SYNE2: variants seen among roughly 807,000 people sequenced by gnomAD.
SYNE2 encodes the protein nesprin-2.
SYNE2 carries 431 observed loss-of-function variants against 856.3 expected under a neutral mutation model. The observed-to-expected ratio is 0.50, with a 90% CI of 0.47 to 0.55. The LOEUF (loss-of-function observed/expected upper bound fraction) is 0.55, where lower values mean the gene tolerates loss of function less well. Among genes scored for constraint, SYNE2 ranks in the 20% least tolerant of loss-of-function variants. The probability of loss-of-function intolerance (pLI) is 0.00; values close to 1 mark genes in which losing one functional copy is unlikely to be tolerated. For synonymous variants in SYNE2, 2,923 were observed against 2,872.3 expected, an observed-to-expected ratio of 1.02 and a Z score of -0.56; for missense variants, 8,129 against 8,023.2, an observed-to-expected ratio of 1.01 and a Z score of -0.50.
At chr14:64,024,123 C>T (rs2096959242) in intron 38 of SYNE2, 134 bp from the exon 39 acceptor site, 3 of 739,042 alleles carry the variant, frequency 4.1e-6, no homozygotes, top group Admixed American at 4.1e-5. Context: ...GCCACATCTC[C>T]ATCACCCTTC....
chr14:63,948,786 A>ATG (rs2096091999), intron 6 of SYNE2, among the ~76,000 whole-genome samples: 4 of 40,526 alleles, frequency 9.9e-5, no homozygotes, highest in East Asian at 7.1e-4. Flanking sequence ...GTGTGTGTAT[A>ATG]TATATATATA....
At chr14:63,915,027 C>T (rs1189134950) in intron 2 of SYNE2, among the ~76,000 whole-genome samples, 1 of 152,248 alleles carries the variant, frequency 6.6e-6, no homozygotes, top group Non-Finnish European at 1.5e-5. Flanking sequence ...GATCCTCCCA[C>T]CTTGGCCTTC....
chr14:63,995,106 G>C lies in SYNE2; in HGVS notation c.2844G>C (p.Lys948Asn), dbSNP rs201633972. Residue 948 changes from lysine to asparagine, a missense_variant, in exon 23 of 116, where the codon AAG becomes AAC. Lys to Asn is a moderately conservative substitution (Grantham distance 94). Transcript: ENST00000555002. Reference sequence around the variant, plus strand: ...TAAAAATAGATATTGAAAAAGGAAAGCTTAGTGACAATATTTTAAAACTTG... The same window carrying C: ...TAAAAATAGATATTGAAAAAGGAAACCTTAGTGACAATATTTTAAAACTTG... ...QQLKIDIEKG[K>N]LSDNILKLEK... 60 of 1,591,110 alleles carry C rather than the reference G, an allele frequency of 3.8e-5. No homozygotes were observed. The highest frequency in any genetic ancestry group is 5.1e-5 in the Non-Finnish European group (59 of 1,164,584).
At chr14:64,066,365 G>A (rs59807631) in intron 51 of SYNE2, among the ~76,000 whole-genome samples, 11,312 of 152,104 alleles carry the variant, frequency 0.074, 695 homozygotes, top group African/African-American at 0.17. Flanking sequence ...GGGCATGGTG[G>A]CACATGCCTG....
chr14:64,134,156 G>T lies in SYNE2; in HGVS notation c.14602G>T (p.Glu4868Ter). ...TACATTGCCCTCTGTGAGTTTGGTG[G>T]AAGAAACAGAGGAAAGATTAGTGGA... ...ISTLPSVSLV[E>*]ETEERLVERI... The change falls in exon 78 of 116, where the codon GAA (glutamate) becomes TAA (stop). Residue 4868 changes from glutamate to a stop codon, truncating the protein, a stop_gained. Coordinates refer to ENST00000555002, the MANE Select transcript of SYNE2 (RefSeq NM_182914.3). LOFTEE classifies it high-confidence loss of function. 6.2e-7 allele frequency: 1 copy of T among 1,614,062 alleles called. No homozygotes were observed. The highest frequency in any genetic ancestry group is 8.5e-7 in the Non-Finnish European group (1 of 1,179,932).
chr14:63,971,472 T>G (rs549393274), intron 11 of SYNE2, among the ~76,000 whole-genome samples: 94 of 152,210 alleles, frequency 6.2e-4, no homozygotes, highest in South Asian at 1.0e-3. Flanking sequence ...GTAGAAATCC[T>G]GCAAGCAAAT....
At chr14:63,912,071 A>C (rs2095479897) in intron 2 of SYNE2, among the ~76,000 whole-genome samples, 1 of 152,216 alleles carries the variant, frequency 6.6e-6, no homozygotes, top group South Asian at 2.1e-4. Flanking sequence ...TATAATGTCA[A>C]GGTGACGCTG....
chr14:64,019,911 A>T, intron 34 of SYNE2, 81 bp from the exon 35 acceptor site: 1 of 930,310 alleles, frequency 1.1e-6, no homozygotes, highest in Non-Finnish European at 1.7e-6. Flanking sequence ...CAGTTTCTAT[A>T]TATAAACAGT....
At chr14:64,080,224 C>T (rs563193644) in intron 55 of SYNE2, among the ~76,000 whole-genome samples, 1 of 152,060 alleles carries the variant, frequency 6.6e-6, no homozygotes, top group African/African-American at 2.4e-5. Context: ...TTTCTGTTCC[C>T]CTACAGCTAA....
intron 27 of SYNE2, among the ~76,000 whole-genome samples, chr14:63,999,719 G>C (rs1034800721): frequency 6.6e-6 from 1 of 152,140 alleles, no homozygotes; most frequent in Non-Finnish European, 1.5e-5. Context: ...CTTGATGCAC[G>C]CCCTGAGTGC....
chr14:64,146,783 GC>G (rs1165807438), intron 84 of SYNE2, among the ~76,000 whole-genome samples: 2 of 152,218 alleles, frequency 1.3e-5, no homozygotes, highest in African/African-American at 4.8e-5. Context: ...TGCCCTTGTG[GC>G]TGCTGCCCAT....
At chr14:64,205,755 G>A (rs1182921562) in intron 100 of SYNE2, among the ~76,000 whole-genome samples, 1 of 152,108 alleles carries the variant, frequency 6.6e-6, no homozygotes, top group African/African-American at 2.4e-5. Context: ...GCAATTTTGT[G>A]ACACTTAAAT....
chr14:63,862,657 A>G (rs940185707), intron 1 of SYNE2, among the ~76,000 whole-genome samples: 4 of 152,232 alleles, frequency 2.6e-5, no homozygotes, highest in Non-Finnish European at 5.9e-5. Flanking sequence ...AAGAAAGACT[A>G]TACACGCATG....
At chr14:63,856,735 C>G (rs1468307530) in intron 1 of SYNE2, among the ~76,000 whole-genome samples, 1 of 152,120 alleles carries the variant, frequency 6.6e-6, no homozygotes, top group Non-Finnish European at 1.5e-5. Flanking sequence ...TTCCTACTTT[C>G]ATCAAATAAA....
intron 2 of SYNE2, among the ~76,000 whole-genome samples, chr14:63,926,138 C>T (rs1335496389): frequency 6.6e-6 from 1 of 152,238 alleles, no homozygotes; most frequent in South Asian, 2.1e-4. Flanking sequence ...GCCACCGCAC[C>T]TGGCTAGGAT....
At chr14:64,176,313 G>A (rs906652493) in intron 95 of SYNE2, among the ~76,000 whole-genome samples, 2 of 152,078 alleles carry the variant, frequency 1.3e-5, no homozygotes, top group African/African-American at 2.4e-5. Context: ...CCAGATCCAC[G>A]GGCTAGTCAT....
intron 19 of SYNE2, 117 bp from the exon 20 acceptor site, chr14:63,990,294 A>G (rs2096657295): frequency 6.4e-6 from 6 of 934,450 alleles, no homozygotes; most frequent in Admixed American, 2.4e-5. Context: ...TCAGAATGCA[A>G]ATTTGCCTGA....
intron 47 of SYNE2, 110 bp downstream of exon 47, chr14:64,049,986 T>C (rs2097212839): frequency 1.5e-6 from 2 of 1,305,412 alleles, no homozygotes; most frequent in Non-Finnish European, 2.1e-6. Context: ...AAATTATGAT[T>C]TTAAAACCAC....
At chr14:64,080,160 A>T (rs1170649770) in intron 55 of SYNE2, among the ~76,000 whole-genome samples, 2 of 152,092 alleles carry the variant, frequency 1.3e-5, no homozygotes, top group Non-Finnish European at 2.9e-5. Context: ...CTCTTGAGAG[A>T]TGAGGGCTAT....
Sources: allele counts gnomAD v4.1 joint callset (sites outside exome capture counted in the v4.1 genomes callset), GRCh38; gene constraint gnomAD v4.1.1; transcripts MANE v1.5; gene names NCBI Gene and HGNC (gene_info 2026-07-23, HGNC 2026-07-21).